The following MACROH2A1 variants were observed in gnomAD, a reference collection of about 807,000 sequenced individuals.
MACROH2A1 encodes macroH2A.1 histone.
MACROH2A1 carries 2 observed loss-of-function variants against 31.6 expected under a neutral mutation model. That is an observed-to-expected ratio of 0.06 (90% CI 0.03 to 0.20). The LOEUF is 0.20. Among genes scored for constraint, MACROH2A1 ranks in the 10% least tolerant of loss-of-function variants. The pLI, the probability that MACROH2A1 is intolerant of heterozygous loss-of-function variation, is 1.00. For synonymous variants in MACROH2A1, 169 were observed against 189.6 expected, an observed-to-expected ratio of 0.89 and a Z score of 0.89; for missense variants, 230 against 474.0, an observed-to-expected ratio of 0.49 and a Z score of 4.78.
chr5:135,360,904 C>G (rs1432387408), intron 4 of MACROH2A1: 8 of 522,184 alleles, frequency 1.5e-5, no homozygotes, highest in Non-Finnish European at 2.8e-5. Flanking sequence ...AAATTCAGAC[C>G]AAGTAAATGT....
intron 2 of MACROH2A1, among the ~76,000 whole-genome samples, chr5:135,379,949 C>T (rs867216840): frequency 6.6e-6 from 1 of 152,130 alleles, no homozygotes; most frequent in African/African-American, 2.4e-5. Context: ...ACATTTCTAA[C>T]GCCCTACTGT....
In MACROH2A1 at chr5:135,369,180, C is replaced by T. The variant is rs1261446138; in HGVS notation, c.477+226G>A. Among the ~76,000 whole-genome samples, 1 of 152,224 alleles carries T rather than the reference C, an allele frequency of 6.6e-6. No homozygotes were observed. Among genetic ancestry groups the T allele is most frequent in the African/African-American group, 2.4e-5 (1 of 41,462 alleles). The stretch of plus-strand genomic sequence containing the variant: ...GCCCACCACCCATCCCCCTTGCCTA[C>T]AGAGGTTCTGTCCTTCAACTGGGTC... On this transcript the variant is annotated intron_variant, in intron 4 of 8. Transcript: ENST00000511689. This position sits in a 1 kb window ranked among gnomAD's most constrained non-coding sequence, Gnocchi z 4.3.
At chr5:135,339,588 A>G (rs1412109022) in intron 8 of MACROH2A1, among the ~76,000 whole-genome samples, 2 of 152,186 alleles carry the variant, frequency 1.3e-5, no homozygotes, top group Non-Finnish European at 2.9e-5. Flanking sequence ...GGGGAGGAGT[A>G]GAGGTGGATT....
chr5:135,346,252 A>G (rs1760819758), intron 6 of MACROH2A1, 195 bp from the exon 7 acceptor site: 1 of 575,260 alleles, frequency 1.7e-6, no homozygotes, highest in Non-Finnish European at 3.1e-6. Flanking sequence ...CTACCCTCAA[A>G]TTGCTGCTTC....
At chr5:135,392,976 T>C (rs1171723504) in intron 1 of MACROH2A1, among the ~76,000 whole-genome samples, 2 of 152,170 alleles carry the variant, frequency 1.3e-5, no homozygotes, top group Non-Finnish European at 2.9e-5. Flanking sequence ...ACAAAAACAA[T>C]AATGTGAATA....
chr5:135,339,370 TCTC>T (rs1472644649), intron 8 of MACROH2A1, among the ~76,000 whole-genome samples: 2 of 152,180 alleles, frequency 1.3e-5, no homozygotes, highest in Non-Finnish European at 2.9e-5. Context: ...TCCCAGCTCT[TCTC>T]AGCCCTCTCC....
intron 1 of MACROH2A1, among the ~76,000 whole-genome samples, chr5:135,396,837 C>T (rs1768067032): frequency 6.6e-6 from 1 of 152,100 alleles, no homozygotes; most frequent in Non-Finnish European, 1.5e-5. Flanking sequence ...GAGACACTGA[C>T]CTGACAGGTT....
intron 5 of MACROH2A1, 103 bp from the exon 6 acceptor site, chr5:135,353,148 G>A (rs1200500863): frequency 1.5e-5 from 11 of 747,328 alleles, no homozygotes; most frequent in Admixed American, 1.4e-4. Flanking sequence ...CCAAGTGCAC[G>A]AGGCACAAAA....
chr5:135,353,923 TG>T (rs1418773481), intron 5 of MACROH2A1: 4 of 152,248 alleles, frequency 2.6e-5, no homozygotes, highest in Non-Finnish European at 5.9e-5. Flanking sequence ...GGGGAATTAA[TG>T]GGCCTAGGAC....
chr5:135,353,258 A>G (rs111523113), intron 5 of MACROH2A1: 1 of 526,584 alleles, frequency 1.9e-6, no homozygotes, highest in Non-Finnish European at 3.4e-6. Context: ...GAATGTTCAG[A>G]GCCCGTGGGT....
intron 6 of MACROH2A1, among the ~76,000 whole-genome samples, chr5:135,348,389 A>G (rs1761121324): frequency 6.6e-6 from 1 of 152,264 alleles, no homozygotes; most frequent in African/African-American, 2.4e-5. Context: ...AGGCATAAGT[A>G]TCAGTGTTCA....
In MACROH2A1 at chr5:135,350,094, C is replaced by T. The variant is rs1761331727; in HGVS notation, c.688+2852G>A. Among the ~76,000 whole-genome samples, 16 of 152,186 alleles carry T rather than the reference C, an allele frequency of 1.1e-4. 1 individual carries two copies. The highest frequency in any genetic ancestry group is 1.0e-3 in the Admixed American group (16 of 15,278). Reference sequence around the variant, plus strand: ...GATACTCCTGCCAGGAATCTGCAGCCTCAGGATATGGCATCTCAAGTGCCC... The same window carrying T: ...GATACTCCTGCCAGGAATCTGCAGCTTCAGGATATGGCATCTCAAGTGCCC... On this transcript the variant is annotated intron_variant, in intron 6 of 8. Coordinates refer to ENST00000511689, the MANE Select transcript of MACROH2A1 (RefSeq NM_138610.3).
intron 4 of MACROH2A1, among the ~76,000 whole-genome samples, chr5:135,365,337 T>C (rs1763364634): frequency 7.1e-6 from 1 of 141,744 alleles, no homozygotes; most frequent in Admixed American, 6.7e-5. Context: ...GCCATTCCTC[T>C]GCCAGGAGCT....
intron 1 of MACROH2A1, among the ~76,000 whole-genome samples, chr5:135,394,570 CT>C (rs1291621818): frequency 2.0e-5 from 3 of 152,200 alleles, no homozygotes; most frequent in Admixed American, 6.5e-5. Context: ...CAGGCTGCCC[CT>C]ATTCTTTAAT....
chr5:135,387,519 C>T (rs73789334), intron 2 of MACROH2A1, among the ~76,000 whole-genome samples: 3,326 of 152,244 alleles, frequency 0.022, 122 homozygotes, highest in African/African-American at 0.075. Context: ...CTTACTGAGT[C>T]GTCCTTTCTG....
chr5:135,358,885 C>T (rs2149796316), intron 5 of MACROH2A1: 1 of 985,130 alleles, frequency 1.0e-6, no homozygotes, highest in African/African-American at 1.7e-5. Flanking sequence ...AGTTGAGTTG[C>T]TGAGAGCTGA....
At chr5:135,368,193 A>C (rs1763755032) in intron 4 of MACROH2A1, among the ~76,000 whole-genome samples, 1 of 152,254 alleles carries the variant, frequency 6.6e-6, no homozygotes, top group Admixed American at 6.5e-5. Context: ...AGCCACAAAC[A>C]GTGTGGATGC....
intron 8 of MACROH2A1, 76 bp downstream of exon 8, chr5:135,343,184 G>C (rs566803348): frequency 5.0e-6 from 8 of 1,604,416 alleles, no homozygotes; most frequent in Non-Finnish European, 6.8e-6. Context: ...CACAGAGTGA[G>C]AGCACCACAA....
At chr5:135,385,717 G>A (rs553771045) in intron 2 of MACROH2A1, among the ~76,000 whole-genome samples, 1 of 152,176 alleles carries the variant, frequency 6.6e-6, no homozygotes, top group South Asian at 2.1e-4. Context: ...CCTCTCCAGG[G>A]CTCAGCTGAT....
Sources: allele counts gnomAD v4.1 joint callset (sites outside exome capture counted in the v4.1 genomes callset), GRCh38; gene constraint gnomAD v4.1.1; non-coding constraint Gnocchi (gnomAD v3.1); transcripts MANE v1.5; gene names NCBI Gene and HGNC (gene_info 2026-07-23, HGNC 2026-07-21).